The following IL1RAPL1 variants were observed in gnomAD, a reference collection of about 807,000 sequenced individuals.
The protein encoded by IL1RAPL1 is interleukin 1 receptor accessory protein like 1, also known as interleukin-1 receptor accessory protein-like 1.
IL1RAPL1 carries 3 observed loss-of-function variants against 48.4 expected under a neutral mutation model. The ratio of observed to expected loss-of-function variants is 0.06; its 90% CI spans 0.03 to 0.16. IL1RAPL1 has a LOEUF of 0.16. IL1RAPL1 is among the 10% of genes least tolerant of loss of function. The pLI is 1.00. For missense variants in IL1RAPL1, 349 were observed against 530.6 expected, an observed-to-expected ratio of 0.66 and a Z score of 3.36; for synonymous variants, 185 against 187.7, an observed-to-expected ratio of 0.99 and a Z score of 0.12.
chrX:29,908,817 TATCTTCAAAC>T (rs1348468564), intron 6 of IL1RAPL1, among the ~76,000 whole-genome samples: 1 of 112,153 alleles, frequency 8.9e-6, no homozygotes, highest in Non-Finnish European at 1.9e-5. Flanking sequence ...GCAATCAGGT[TATCTTCAAAC>T]AATGTTTTTA....
chrX:29,347,017 C>T (rs928989400), intron 3 of IL1RAPL1, among the ~76,000 whole-genome samples: 1 of 111,530 alleles, frequency 9.0e-6, no homozygotes, highest in Non-Finnish European at 1.9e-5. Context: ...TGTGCTCAAG[C>T]CTTTTGAAGT....
chrX:29,519,864 C>G (rs767859958), intron 5 of IL1RAPL1, among the ~76,000 whole-genome samples: 1 of 111,634 alleles, frequency 9.0e-6, no homozygotes. Context: ...GGTTGATTCC[C>G]GGTTGCTCAC....
At chrX:29,119,448 C>T (rs1161730471) in intron 2 of IL1RAPL1, among the ~76,000 whole-genome samples, 1 of 111,525 alleles carries the variant, frequency 9.0e-6, no homozygotes, top group Non-Finnish European at 1.9e-5. Flanking sequence ...GAAATTACCA[C>T]TCAATTCTTA....
At chrX:29,123,101 C>A (rs972606366) in intron 2 of IL1RAPL1, among the ~76,000 whole-genome samples, 2 of 109,854 alleles carry the variant, frequency 1.8e-5, no homozygotes, top group African/African-American at 3.3e-5. Flanking sequence ...GCAACCTCAG[C>A]TCACTGCAAT....
chrX:29,911,985 G>C (rs1297121118), intron 6 of IL1RAPL1, among the ~76,000 whole-genome samples: 2 of 112,303 alleles, frequency 1.8e-5, no homozygotes, highest in Non-Finnish European at 3.8e-5. Flanking sequence ...TACTATAGCT[G>C]TAAACAATCT....
In IL1RAPL1 at chrX:28,945,903, A is replaced by ATATATG. The variant is rs1282562909; in HGVS notation, c.82+156479_82+156480insATATGT. Among the ~76,000 whole-genome samples, 414 of 97,636 alleles carry ATATATG rather than the reference A, an allele frequency of 4.2e-3. 5 individuals carry two copies. In the East Asian group the frequency reaches 0.057, roughly 13 times the overall value. 84.8% of individuals were successfully genotyped at this position (97,636 alleles called of 115,157 possible). ...TATATGTATGTATATATATATATATATGTGTGTGTGTGTGTGTGTGTGTAT... is the reference window on the plus strand; with the variant it reads ...TATATGTATGTATATATATATATATATATATGTGTGTGTGTGTGTGTGTGTGTGTAT... On this transcript the variant is annotated intron_variant, in intron 2 of 10. Coordinates refer to ENST00000378993, the MANE Select transcript of IL1RAPL1 (RefSeq NM_014271.4).
At chrX:28,770,454 C>T (rs1487869799) in intron 1 of IL1RAPL1, among the ~76,000 whole-genome samples, 1 of 112,236 alleles carries the variant, frequency 8.9e-6, no homozygotes, top group African/African-American at 3.2e-5. Flanking sequence ...GTTATTTCTT[C>T]AAATCGTTGT....
intron 2 of IL1RAPL1, among the ~76,000 whole-genome samples, chrX:29,182,268 G>C (rs182370316): frequency 1.6e-3 from 177 of 111,882 alleles, no homozygotes; most frequent in Non-Finnish European, 3.0e-3. Flanking sequence ...CTGGCACTCT[G>C]CTTTACTAGA....
chrX:29,041,832 G>A (rs984313011), intron 2 of IL1RAPL1, among the ~76,000 whole-genome samples: 5 of 111,888 alleles, frequency 4.5e-5, no homozygotes, highest in African/African-American at 1.3e-4. Context: ...ACTAAAGCAC[G>A]GACATTCTGT....
intron 2 of IL1RAPL1, among the ~76,000 whole-genome samples, chrX:28,894,415 G>T (rs914223189): frequency 7.2e-5 from 8 of 110,905 alleles, no homozygotes; most frequent in Non-Finnish European, 1.5e-4. Context: ...AAGGAAATAT[G>T]GGGAAATGGG....
intron 3 of IL1RAPL1, among the ~76,000 whole-genome samples, chrX:29,393,950 G>A (rs140540552): frequency 0.016 from 1,738 of 110,742 alleles, 21 homozygotes; most frequent in Non-Finnish European, 0.022. Flanking sequence ...CCCAAAGAGG[G>A]ATATCTTTTT....
At chrX:28,711,351 G>C (rs1330256245) in intron 1 of IL1RAPL1, among the ~76,000 whole-genome samples, 1 of 111,891 alleles carries the variant, frequency 8.9e-6, no homozygotes, top group Non-Finnish European at 1.9e-5. Context: ...TTGTGGTTCT[G>C]CAGGTGGCAC....
intron 5 of IL1RAPL1, among the ~76,000 whole-genome samples, chrX:29,612,348 C>G: frequency 9.1e-6 from 1 of 109,613 alleles, no homozygotes. Flanking sequence ...ATTTTGCATA[C>G]AAGTTCAGAG....
chrX:29,075,986 T>A (rs1263922440), intron 2 of IL1RAPL1, among the ~76,000 whole-genome samples: 1 of 111,524 alleles, frequency 9.0e-6, no homozygotes, highest in East Asian at 2.8e-4. Context: ...AATATTAAAA[T>A]TACTAAGTAA....
chrX:29,414,735 C>A (rs1934192944), intron 5 of IL1RAPL1, among the ~76,000 whole-genome samples: 1 of 111,575 alleles, frequency 9.0e-6, no homozygotes, highest in Admixed American at 9.6e-5. Flanking sequence ...CTTTTCTCTA[C>A]TTCATGTTGG....
intron 1 of IL1RAPL1, among the ~76,000 whole-genome samples, chrX:28,709,369 C>G (rs139105414): frequency 1.8e-5 from 2 of 111,461 alleles, no homozygotes; most frequent in Non-Finnish European, 3.8e-5. Context: ...AGGAAAATGC[C>G]GGGGGTGGGG....
chrX:28,648,724 G>C (rs1385136144), intron 1 of IL1RAPL1, among the ~76,000 whole-genome samples: 1 of 111,669 alleles, frequency 9.0e-6, no homozygotes. Flanking sequence ...TTTTGAGACA[G>C]GATTTCAAAA....
chrX:28,786,693 G>T (rs1014149629), intron 1 of IL1RAPL1, among the ~76,000 whole-genome samples: 1 of 111,944 alleles, frequency 8.9e-6, no homozygotes, highest in Non-Finnish European at 1.9e-5. Flanking sequence ...TTCTGCATAA[G>T]GTTTAGTAGT....
intron 1 of IL1RAPL1, among the ~76,000 whole-genome samples, chrX:28,612,110 T>C (rs892577410): frequency 9.0e-6 from 1 of 111,617 alleles, no homozygotes; most frequent in Non-Finnish European, 1.9e-5. Flanking sequence ...GCAGGCTTTC[T>C]AATATTTGTG....
Sources: allele counts gnomAD v4.1 joint callset (sites outside exome capture counted in the v4.1 genomes callset), GRCh38; gene constraint gnomAD v4.1.1; transcripts MANE v1.5; gene names NCBI Gene and HGNC (gene_info 2026-07-23, HGNC 2026-07-21).